CNBD1: variants seen among roughly 807,000 people sequenced by gnomAD.
The protein encoded by CNBD1 is cyclic nucleotide binding domain containing 1.
CNBD1 carries 71 observed loss-of-function variants against 54.4 expected under a neutral mutation model. The observed-to-expected ratio is 1.30, with a 90% CI of 1.08 to 1.59. The LOEUF (loss-of-function observed/expected upper bound fraction) is 1.59, where lower values mean the gene tolerates loss of function less well. CNBD1 is among the 40% of genes most tolerant of loss of function. The probability of loss-of-function intolerance (pLI) is 0.00; values close to 1 mark genes in which losing one functional copy is unlikely to be tolerated. For missense variants in CNBD1, 659 were observed against 518.0 expected (o/e 1.27, Z -2.64); for synonymous variants, 182 against 170.7 (o/e 1.07, Z -0.51).
chr8:87,351,551 A>G, intron 8 of CNBD1, 134 bp from the exon 9 acceptor site: 1 of 791,544 alleles, frequency 1.3e-6, no homozygotes, highest in Non-Finnish European at 1.8e-6. Flanking sequence ...AGTACTGTCT[A>G]TAAACTGGAA....
At position 87,074,134 on chromosome 8, in the gene CNBD1, T is replaced by G. The variant is rs577009158; in HGVS notation, c.432-131859T>G. Among the ~76,000 whole-genome samples the G allele has an allele frequency of 2.5e-4, 37 of 150,240 alleles. 2 individuals are homozygous for G. The South Asian group carries it at 7.9e-3, about 32-fold the overall frequency. On this transcript the variant is annotated intron_variant, in intron 4 of 10. Coordinates refer to ENST00000518476, the MANE Select transcript of CNBD1 (RefSeq NM_173538.3). ...AAAAAAAAGGCAGCAGTCTGGCTGC[T>G]TTTTGGTAGAGCAGGTGTGCTGCAC... is the stretch of plus-strand genomic sequence containing the variant.
intron 4 of CNBD1, among the ~76,000 whole-genome samples, chr8:87,153,783 A>G (rs769566321): frequency 3.5e-4 from 53 of 152,208 alleles, no homozygotes; most frequent in Non-Finnish European, 3.8e-4. Context: ...TGAAATAATC[A>G]ATGGTGATAA....
intron 4 of CNBD1, among the ~76,000 whole-genome samples, chr8:86,975,096 T>TA (rs1372432729): frequency 6.6e-6 from 1 of 152,054 alleles, no homozygotes; most frequent in Non-Finnish European, 1.5e-5. Flanking sequence ...GTTTACATTT[T>TA]AAAAAATATT....
chr8:87,327,621 T>A (rs1159426876), intron 8 of CNBD1, among the ~76,000 whole-genome samples: 1 of 152,216 alleles, frequency 6.6e-6, no homozygotes, highest in Non-Finnish European at 1.5e-5. Context: ...CCTGACCCCT[T>A]GCGCTTCCCA....
intron 4 of CNBD1, among the ~76,000 whole-genome samples, chr8:87,178,858 C>T (rs933755147): frequency 6.6e-6 from 1 of 152,168 alleles, no homozygotes; most frequent in East Asian, 1.9e-4. Context: ...AGATCTTGAA[C>T]ATTTCTTCTA....
chr8:86,991,504 C>T (rs1228050667), intron 4 of CNBD1, among the ~76,000 whole-genome samples: 1 of 152,012 alleles, frequency 6.6e-6, no homozygotes, highest in Non-Finnish European at 1.5e-5. Flanking sequence ...TTTTGTGTCT[C>T]AATATTGTTC....
chr8:87,279,833 A>G (rs781338430), intron 6 of CNBD1, among the ~76,000 whole-genome samples: 22 of 151,394 alleles, frequency 1.5e-4, no homozygotes, highest in Middle Eastern at 6.8e-3. Context: ...GAAAAATAAT[A>G]TATTTATATA....
chr8:87,413,964 C>A (rs932041743), intron 2 of CNBD1, among the ~76,000 whole-genome samples: 9 of 151,688 alleles, frequency 5.9e-5, no homozygotes, highest in African/African-American at 2.2e-4. Context: ...GTCAGTGTGG[C>A]GATTCCTCAG....
chr8:87,216,031 T>A (rs1814203091), intron 5 of CNBD1, among the ~76,000 whole-genome samples: 1 of 152,212 alleles, frequency 6.6e-6, no homozygotes, highest in African/African-American at 2.4e-5. Flanking sequence ...AGTGTTTTCG[T>A]GGTTTATCTG....
At chr8:87,287,378 GAC>G (rs778574703) in intron 8 of CNBD1, among the ~76,000 whole-genome samples, 1 of 152,134 alleles carries the variant, frequency 6.6e-6, no homozygotes, top group African/African-American at 2.4e-5. Flanking sequence ...CTACATGAGA[GAC>G]AGCCACAGAT....
At chr8:87,128,795 T>TA (rs1812053106) in intron 4 of CNBD1, among the ~76,000 whole-genome samples, 1 of 151,528 alleles carries the variant, frequency 6.6e-6, no homozygotes, top group Admixed American at 6.6e-5. Context: ...AGAATTTTGC[T>TA]ATGTTCAGCC....
chr8:87,221,482 A>G (rs776771782), intron 5 of CNBD1, among the ~76,000 whole-genome samples: 13 of 152,010 alleles, frequency 8.6e-5, no homozygotes, highest in Non-Finnish European at 1.8e-4. Context: ...CTATACAAAT[A>G]TTTTTCCTTC....
chr8:87,355,100 T>C (rs1057218423), intron 10 of CNBD1, among the ~76,000 whole-genome samples: 2 of 152,196 alleles, frequency 1.3e-5, no homozygotes, highest in Non-Finnish European at 2.9e-5. Flanking sequence ...AGTAGAGATA[T>C]TTCACAGACA....
rs751974318 is a variant in CNBD1, at chr8:87,284,702, A to G, written c.796A>G (p.Thr266Ala). ...SMLSKWSTFG[T>A]LEVMPQNESE... ...GCTTAGCAAATGGAGTACCTTTGGGACTCTGGAAGTTATGCCTCAGAATGA... is the reference window on the plus strand; with the variant it reads ...GCTTAGCAAATGGAGTACCTTTGGGGCTCTGGAAGTTATGCCTCAGAATGA... The change falls in exon 7 of 11, where the codon ACT (threonine) becomes GCT (alanine). Residue 266 changes from threonine to alanine, a missense_variant. Thr to Ala is a moderately conservative substitution (Grantham distance 58). Coordinates refer to ENST00000518476, the MANE Select transcript of CNBD1 (RefSeq NM_173538.3). The G allele has an allele frequency of 1.4e-4, 219 of 1,604,144 alleles. No individual in the cohort carries two copies. The highest frequency in any genetic ancestry group is 1.8e-4 in the Non-Finnish European group (206 of 1,176,270).
At chr8:87,222,888 A>G (rs1814372535) in intron 5 of CNBD1, among the ~76,000 whole-genome samples, 1 of 152,122 alleles carries the variant, frequency 6.6e-6, no homozygotes, top group East Asian at 1.9e-4. Context: ...ACAAGTCCTC[A>G]TGAGAATGGT....
chr8:87,276,370 A>T (rs966956621), intron 6 of CNBD1, among the ~76,000 whole-genome samples: 3 of 151,836 alleles, frequency 2.0e-5, no homozygotes, highest in African/African-American at 7.2e-5. Context: ...ACAAGCAATA[A>T]TTTATGTAGA....
chr8:86,900,104 G>A (rs1162314006), intron 2 of CNBD1, among the ~76,000 whole-genome samples: 1 of 152,134 alleles, frequency 6.6e-6, no homozygotes, highest in East Asian at 1.9e-4. Context: ...CAGGATATGT[G>A]CAACAACAGG....
chr8:87,184,583 C>T (rs1813434094), intron 4 of CNBD1, among the ~76,000 whole-genome samples: 1 of 152,144 alleles, frequency 6.6e-6, no homozygotes, highest in Non-Finnish European at 1.5e-5. Context: ...CATGGGGTCT[C>T]CTGCAGCTAG....
At chr8:87,171,324 T>C (rs1586305026) in intron 4 of CNBD1, among the ~76,000 whole-genome samples, 1 of 152,266 alleles carries the variant, frequency 6.6e-6, no homozygotes, top group East Asian at 1.9e-4. Flanking sequence ...TTCCTCAGAG[T>C]AGCCACTACT....
Sources: gnomAD v4.1 joint callset for allele counts (sites outside exome capture counted in the v4.1 genomes callset) on GRCh38, gnomAD v4.1.1 for gene constraint, MANE v1.5 for transcripts, NCBI Gene and HGNC (gene_info 2026-07-23, HGNC 2026-07-21) for gene names.